The following RARB variants were observed in gnomAD, a reference collection of about 807,000 sequenced individuals.
RARB encodes the protein HBV-activated protein.
Under a neutral mutation model 51.9 loss-of-function variants are expected in RARB, and 17 were observed. The observed-to-expected ratio is 0.33, with a 90% confidence interval of 0.22 to 0.49. The LOEUF (loss-of-function observed/expected upper bound fraction) is 0.49. Ranked by LOEUF, RARB falls within the 20% of genes least tolerant of loss-of-function variation. The probability of loss-of-function intolerance (pLI) is 0.99; values close to 1 mark genes in which losing one functional copy is unlikely to be tolerated. For missense variants in RARB, 369 were observed against 550.8 expected (o/e 0.67, Z 3.30); for synonymous variants, 215 against 195.4 (o/e 1.10, Z -0.84).
chr3:25,151,692 C>T (rs569213153), intron 4 of RARB, among the ~76,000 whole-genome samples: 2 of 152,172 alleles, frequency 1.3e-5, no homozygotes, highest in African/African-American at 4.8e-5. Flanking sequence ...TCTATTGTAC[C>T]TTTATTGCCA....
chr3:25,281,265 G>A (rs181634105), intron 5 of RARB, among the ~76,000 whole-genome samples: 1 of 152,264 alleles, frequency 6.6e-6, no homozygotes, highest in East Asian at 1.9e-4. Flanking sequence ...GTCACAAAGG[G>A]CCATCTCGTC....
chr3:25,003,863 A>T (rs1437786844), intron 2 of RARB, among the ~76,000 whole-genome samples: 1 of 152,110 alleles, frequency 6.6e-6, no homozygotes, highest in African/African-American at 2.4e-5. Flanking sequence ...CTGGGGCCCT[A>T]TAATTTGTTG....
intron 5 of RARB, among the ~76,000 whole-genome samples, chr3:25,248,389 G>T (rs1274711124): frequency 6.6e-6 from 1 of 151,948 alleles, no homozygotes; most frequent in African/African-American, 2.4e-5. Context: ...GATATGGGAG[G>T]GCTTACTCCT....
At chr3:25,456,444 C>T (rs1032752671) in intron 1 of RARB, among the ~76,000 whole-genome samples, 1 of 150,752 alleles carries the variant, frequency 6.6e-6, no homozygotes, top group Non-Finnish European at 1.5e-5. Context: ...CATTAAAGTA[C>T]AAATCTTTTA....
At chr3:25,219,153 G>C (rs1701893078) in intron 5 of RARB, among the ~76,000 whole-genome samples, 1 of 151,994 alleles carries the variant, frequency 6.6e-6, no homozygotes, top group South Asian at 2.1e-4. Context: ...TCAAGTGGAA[G>C]AAAACATTTT....
chr3:25,466,028 C>G (rs1358448755), intron 2 of RARB, among the ~76,000 whole-genome samples: 1 of 152,166 alleles, frequency 6.6e-6, no homozygotes, highest in Non-Finnish European at 1.5e-5. Context: ...GTGCAACTCT[C>G]TCTTTTCTCA....
intron 5 of RARB, among the ~76,000 whole-genome samples, chr3:25,330,496 C>A (rs1019635371): frequency 4.6e-5 from 7 of 152,252 alleles, no homozygotes; most frequent in South Asian, 2.1e-4. Flanking sequence ...GCCTGCCCTA[C>A]AAGAGCTCCT....
chr3:25,082,850 A>C (rs186965847), intron 3 of RARB, among the ~76,000 whole-genome samples: 2 of 152,218 alleles, frequency 1.3e-5, no homozygotes, highest in Admixed American at 1.3e-4. Flanking sequence ...ATATAGTGCA[A>C]GTCTTCTGGT....
At chr3:25,276,031 T>C (rs566830998) in intron 5 of RARB, among the ~76,000 whole-genome samples, 2 of 152,378 alleles carry the variant, frequency 1.3e-5, no homozygotes, top group Admixed American at 1.3e-4. Flanking sequence ...CCTAGGTCAC[T>C]TAACCTCTCT....
chr3:25,440,673 T>A (rs1275925150), intron 1 of RARB, among the ~76,000 whole-genome samples: 1 of 151,672 alleles, frequency 6.6e-6, no homozygotes, highest in African/African-American at 2.4e-5. Flanking sequence ...CTCAGGAGGC[T>A]GAGGCAGGAG....
At chr3:25,314,814 A>G (rs895165133) in intron 5 of RARB, among the ~76,000 whole-genome samples, 1 of 152,112 alleles carries the variant, frequency 6.6e-6, no homozygotes, top group African/African-American at 2.4e-5. Context: ...TGAGCGTAGT[A>G]CCCAGTAATT....
intron 5 of RARB, among the ~76,000 whole-genome samples, chr3:25,378,023 A>T (rs1168083421): frequency 6.6e-6 from 1 of 152,206 alleles, no homozygotes. Flanking sequence ...GTAGCAATTT[A>T]GATGAAAATG....
chr3:25,214,073 T>C (rs1371538688), intron 5 of RARB, among the ~76,000 whole-genome samples: 1 of 152,184 alleles, frequency 6.6e-6, no homozygotes. Flanking sequence ...TGCAATACAT[T>C]TGATTCATAG....
chr3:25,269,985 A>G (rs904846396), intron 5 of RARB, among the ~76,000 whole-genome samples: 4 of 152,186 alleles, frequency 2.6e-5, no homozygotes, highest in Non-Finnish European at 5.9e-5. Flanking sequence ...TAGTATGGCT[A>G]TTATTTGGGG....
chr3:25,340,727 T>C (rs1341438575), intron 5 of RARB, among the ~76,000 whole-genome samples: 1 of 152,202 alleles, frequency 6.6e-6, no homozygotes, highest in Admixed American at 6.6e-5. Context: ...GGGGAAGCTC[T>C]GTCTGGAGAA....
At chr3:25,273,463 A>G (rs1037656460) in intron 5 of RARB, among the ~76,000 whole-genome samples, 1 of 152,210 alleles carries the variant, frequency 6.6e-6, no homozygotes, top group Admixed American at 6.5e-5. Context: ...CTTTTCCCAA[A>G]GCAGGCTGGC....
chr3:24,934,849 G>A (rs572535983), intron 2 of RARB, among the ~76,000 whole-genome samples: 2 of 152,172 alleles, frequency 1.3e-5, no homozygotes, highest in East Asian at 3.9e-4. Context: ...GCCTATGAGT[G>A]ATGACTATGA....
intron 2 of RARB, among the ~76,000 whole-genome samples, chr3:25,027,599 G>T (rs189326180): frequency 7.7e-6 from 1 of 130,272 alleles, no homozygotes; most frequent in East Asian, 2.5e-4. Flanking sequence ...ACTGCAGAAG[G>T]TACACTTTAT....
At chr3:25,436,757 G>T (rs1575401733) in intron 1 of RARB, among the ~76,000 whole-genome samples, 1 of 151,882 alleles carries the variant, frequency 6.6e-6, no homozygotes, top group African/African-American at 2.4e-5. Flanking sequence ...AGAGAAGGGG[G>T]TATAATAATT....
Sources: gnomAD v4.1 joint callset for allele counts (sites outside exome capture counted in the v4.1 genomes callset) on GRCh38, gnomAD v4.1.1 for gene constraint, MANE v1.5 for transcripts, NCBI Gene and HGNC (gene_info 2026-07-23, HGNC 2026-07-21) for gene names.